The following PCM1 variants were observed in gnomAD, a reference collection of about 807,000 sequenced individuals.
The protein encoded by PCM1 is pericentriolar material 1 protein.
A neutral mutation model predicts 241.9 loss-of-function variants in PCM1; 157 were observed. That is an observed-to-expected ratio of 0.65 (90% CI 0.57 to 0.74). The LOEUF (loss-of-function observed/expected upper bound fraction) is 0.74. Ranked by LOEUF, PCM1 falls within the 30% of genes least tolerant of loss-of-function variation. The pLI is 0.00. For missense variants in PCM1, 3,478 were observed against 2,360.1 expected (o/e 1.47, Z -9.81); for synonymous variants, 1,085 against 784.9 (o/e 1.38, Z -6.39).
intron 23 of PCM1, among the ~76,000 whole-genome samples, chr8:17,975,989 A>G (rs1440387235): frequency 6.6e-6 from 1 of 152,190 alleles, no homozygotes; most frequent in Non-Finnish European, 1.5e-5. Context: ...GTAGTAGCCA[A>G]GATTTTCTTC....
chr8:17,949,270 G>C (rs1040712908), intron 7 of PCM1, among the ~76,000 whole-genome samples: 2 of 152,026 alleles, frequency 1.3e-5, no homozygotes, highest in Non-Finnish European at 2.9e-5. Flanking sequence ...ATTTAATCTA[G>C]TATATGAGAC....
Position 17,973,695 on chromosome 8 carries a change from G to A in PCM1, c.3943+1008G>A, listed in dbSNP as rs1005601849. Among the ~76,000 whole-genome samples, 11 of 150,892 alleles carry A rather than the reference G, an allele frequency of 7.3e-5. No homozygotes were observed. In the East Asian group the frequency reaches 7.8e-4, roughly 11 times the overall value. ...TCATGCCACTGTACTCCCAGCCTGC[G>A]TGACAGAGCAAGTCTCTGTCAGAAA... On this transcript the variant is annotated intron_variant, in intron 23 of 38. Transcript: ENST00000325083.
intron 2 of PCM1, among the ~76,000 whole-genome samples, chr8:17,935,174 G>A (rs2060076320): frequency 6.6e-6 from 1 of 152,176 alleles, no homozygotes; most frequent in Admixed American, 6.5e-5. Flanking sequence ...TACAACTAAT[G>A]CCTGTGTTTT....
At chr8:18,003,541 C>G (rs938166386) in intron 29 of PCM1, among the ~76,000 whole-genome samples, 1 of 152,160 alleles carries the variant, frequency 6.6e-6, no homozygotes, top group African/African-American at 2.4e-5. Flanking sequence ...GAATTCCTTC[C>G]TCTCTTCACT....
In PCM1 at chr8:17,966,083, G is replaced by A. The variant is rs754664350; in HGVS notation, c.2940G>A (p.Arg980=). The A allele has an allele frequency of 5.6e-6, 9 of 1,613,836 alleles. No individual in the cohort carries two copies. The Admixed American group carries it at 1.0e-4, about 18-fold the overall frequency. The change falls in exon 19 of 39, where the codon CGG becomes CGA. Residue 980 remains arginine (R), a synonymous_variant. Coordinates refer to ENST00000325083, the MANE Select transcript of PCM1 (RefSeq NM_006197.4). ...KTRQQNISMQ[R]QENLRWVSEL... The stretch of plus-strand genomic sequence containing the variant: ...GGCAACAGAATATCAGCATGCAACG[G>A]CAAGAAAACCTTCGTTGGGTGTCAG...
At chr8:18,023,961 C>T (rs2093964527) in intron 36 of PCM1, among the ~76,000 whole-genome samples, 1 of 152,194 alleles carries the variant, frequency 6.6e-6, no homozygotes. Flanking sequence ...TTTGGCCACC[C>T]TCAAGCTGAG....
intron 29 of PCM1, among the ~76,000 whole-genome samples, chr8:17,999,568 C>A (rs373832731): frequency 6.6e-6 from 1 of 151,938 alleles, no homozygotes; most frequent in Admixed American, 6.5e-5. Flanking sequence ...TCCTTGCTCT[C>A]GTCTCCTCAA....
chr8:18,000,585 C>T (rs1251285650), intron 29 of PCM1, among the ~76,000 whole-genome samples: 1 of 149,156 alleles, frequency 6.7e-6, no homozygotes, highest in Non-Finnish European at 1.5e-5. Context: ...ATGAAGAAGG[C>T]TTGGGAGAAG....
chr8:18,012,704 G>A (rs542911000), intron 34 of PCM1, among the ~76,000 whole-genome samples: 92 of 152,096 alleles, frequency 6.0e-4, no homozygotes, highest in African/African-American at 1.9e-3. Flanking sequence ...CTTTATTACT[G>A]CCACACCATT....
chr8:17,986,145 G>A, intron 26 of PCM1, 58 bp downstream of exon 26: 3 of 1,180,962 alleles, frequency 2.5e-6, no homozygotes, highest in Non-Finnish European at 3.5e-6. Context: ...GTAAATAAAA[G>A]TTAAATAGAT....
chr8:18,006,457 G>A (rs1407310383), intron 30 of PCM1, 60 bp downstream of exon 30: 3 of 1,191,504 alleles, frequency 2.5e-6, no homozygotes, highest in Non-Finnish European at 3.7e-6. Context: ...TTTTTTTTCG[G>A]GGGGTGGGTG....
chr8:17,995,124 C>T (rs1373835402), intron 29 of PCM1, among the ~76,000 whole-genome samples: 1 of 151,252 alleles, frequency 6.6e-6, no homozygotes. Context: ...TGCAGAGTTT[C>T]CCCACTGTTT....
chr8:18,020,863 T>A (rs1422528621), intron 36 of PCM1, among the ~76,000 whole-genome samples: 1 of 152,192 alleles, frequency 6.6e-6, no homozygotes, highest in Non-Finnish European at 1.5e-5. Context: ...GTTTCTCACT[T>A]GTAGTGGAAC....
chr8:18,028,325 T>G lies in PCM1; in HGVS notation c.*663T>G. On this transcript the variant is annotated 3_prime_UTR_variant, in exon 39 of 39. Transcript: ENST00000325083. ...CTAGAACTTACATCATTATCATCTG[T>G]TTGTTAGGATTTGAAATTCTGGAAA... The G allele has an allele frequency of 5.3e-6, 1 of 188,518 alleles. No homozygotes were observed. The allele number at this position is 188,518 out of a possible 1,614,324, so 11.7% of individuals were successfully genotyped here.
intron 12 of PCM1, 40 bp downstream of exon 12, chr8:17,957,461 T>C: frequency 1.9e-6 from 3 of 1,609,084 alleles, no homozygotes; most frequent in Non-Finnish European, 2.6e-6. Flanking sequence ...TGCTGTGTTA[T>C]TCTTACAAAG....
At chr8:17,943,534 A>G (rs1158247368) in intron 6 of PCM1, among the ~76,000 whole-genome samples, 1 of 152,076 alleles carries the variant, frequency 6.6e-6, no homozygotes, top group African/African-American at 2.4e-5. Context: ...TTTTTTTCTT[A>G]AGGCATTACA....
At chr8:18,021,384 G>C (rs933303970) in intron 36 of PCM1, among the ~76,000 whole-genome samples, 2 of 152,180 alleles carry the variant, frequency 1.3e-5, no homozygotes, top group African/African-American at 4.8e-5. Flanking sequence ...CCACCTGCTA[G>C]ACCATATGTA....
At chr8:17,936,302 C>T (rs370622780) in intron 3 of PCM1, among the ~76,000 whole-genome samples, 1 of 152,028 alleles carries the variant, frequency 6.6e-6, no homozygotes, top group Non-Finnish European at 1.5e-5. Context: ...AATATTCACT[C>T]ATAGATTGGG....
At chr8:18,002,774 G>C (rs1459495388) in intron 29 of PCM1, among the ~76,000 whole-genome samples, 1 of 126,590 alleles carries the variant, frequency 7.9e-6, no homozygotes, top group Admixed American at 7.3e-5. Context: ...ATTCTAACTG[G>C]TGTGAGATGA....
Sources: gnomAD v4.1 joint callset for allele counts (sites outside exome capture counted in the v4.1 genomes callset) on GRCh38, gnomAD v4.1.1 for gene constraint, MANE v1.5 for transcripts, NCBI Gene and HGNC (gene_info 2026-07-23, HGNC 2026-07-21) for gene names.